Variants in UHRF1 observed in about 807,000 individuals in gnomAD.
UHRF1 encodes the protein E3 ubiquitin-protein ligase UHRF1.
UHRF1 carries 9 observed loss-of-function variants against 96.5 expected under a neutral mutation model. The ratio of observed to expected loss-of-function variants is 0.09; its 90% CI spans 0.06 to 0.16. UHRF1 has a LOEUF of 0.16. Among genes scored for constraint, UHRF1 ranks in the 10% least tolerant of loss-of-function variants. UHRF1 has a pLI of 1.00. For synonymous variants in UHRF1, 455 were observed against 469.9 expected (o/e 0.97, Z 0.41); for missense variants, 626 against 1,131.1 (o/e 0.55, Z 6.40).
upstream of UHRF1, among the ~76,000 whole-genome samples, chr19:4,906,208 G>C (rs1236597119): frequency 1.3e-5 from 2 of 152,002 alleles, no homozygotes; most frequent in East Asian, 3.9e-4. Context: ...CAAACTCCCG[G>C]GCGCAAGAGA....
rs1434479432 is a variant in UHRF1, at chr19:4,938,192, T to C, written c.786-3336T>C. 5.3e-5 allele frequency among the ~76,000 whole-genome samples: 8 copies of C among 152,022 alleles called. No individual in the cohort carries two copies. The East Asian group carries it at 1.5e-3, about 29-fold the overall frequency. ...AGGAAGGGAAGCTTTACTGAGGCCA[T>C]GGAGATCTGGAGATGTCTTCTGGAG... On this transcript the variant is annotated intron_variant, in intron 5 of 16. Transcript: ENST00000650932.
chr19:4,940,042 A>G (rs1475079441), intron 5 of UHRF1, among the ~76,000 whole-genome samples: 1 of 151,138 alleles, frequency 6.6e-6, no homozygotes, highest in Admixed American at 6.6e-5. Flanking sequence ...AAAAAAACAC[A>G]TGGGCTTTCA....
At chr19:4,943,101 G>A (rs564967569) in intron 7 of UHRF1, among the ~76,000 whole-genome samples, 51 of 152,112 alleles carry the variant, frequency 3.4e-4, no homozygotes, top group African/African-American at 9.2e-4. Flanking sequence ...TTAGCCAGGC[G>A]TGGTGCCACG....
chr19:4,934,223 T>A (rs1474551859), intron 5 of UHRF1, among the ~76,000 whole-genome samples: 1 of 151,820 alleles, frequency 6.6e-6, no homozygotes, highest in East Asian at 1.9e-4. Context: ...TAGTAGAGTC[T>A]GGGTTTCACC....
Position 4,930,713 on chromosome 19 carries a change from C to A in UHRF1, c.409-3C>A, listed in dbSNP as rs769457739. ...GATGCCAGACTTCCCTCATTCCTCA[C>A]AGGTCAATGAGTACGTCGATGCTCG... On this transcript the variant is annotated splice_polypyrimidine_tract_variant and splice_region_variant and intron_variant, in intron 3 of 16. Coordinates refer to ENST00000650932, the MANE Select transcript of UHRF1 (RefSeq NM_001048201.3). This position sits in a 1 kb window ranked among gnomAD's most constrained non-coding sequence, Gnocchi z 4.4. 4.3e-6 allele frequency: 7 copies of A among 1,613,316 alleles called. No homozygotes were observed. The highest frequency in any genetic ancestry group is 5.9e-6 in the Non-Finnish European group (7 of 1,179,688).
intron 13 of UHRF1, among the ~76,000 whole-genome samples, chr19:4,953,919 A>G (rs1007309634): frequency 6.6e-5 from 10 of 151,908 alleles, no homozygotes; most frequent in Non-Finnish European, 1.5e-4. Context: ...GGTGGCGGGC[A>G]CCTGTAATCC....
intron 2 of UHRF1, among the ~76,000 whole-genome samples, chr19:4,918,601 A>AT (rs145190646): frequency 0.13 from 20,224 of 151,510 alleles, 1,694 homozygotes; most frequent in Non-Finnish European, 0.19. Flanking sequence ...TTTAGTAGAG[A>AT]CGAGGTTTCT....
intron 5 of UHRF1, among the ~76,000 whole-genome samples, chr19:4,934,125 G>A (rs2033147342): frequency 6.6e-6 from 1 of 151,710 alleles, no homozygotes; most frequent in African/African-American, 2.4e-5. Context: ...CCAGGTTCAG[G>A]TGATTCTCCT....
chr19:4,924,730 C>A (rs1295066302), intron 2 of UHRF1, among the ~76,000 whole-genome samples: 1 of 152,126 alleles, frequency 6.6e-6, no homozygotes, highest in Non-Finnish European at 1.5e-5. Context: ...CAGAGCGGTG[C>A]ATCGGTTACA....
upstream of UHRF1, among the ~76,000 whole-genome samples, chr19:4,908,478 G>C (rs1483101405): frequency 6.6e-6 from 1 of 151,936 alleles, no homozygotes; most frequent in African/African-American, 2.4e-5. Context: ...CCTCCCCTTT[G>C]CTCAGTGGGC....
chr19:4,909,435 C>G (rs536207146), upstream of UHRF1: 4 of 652,708 alleles, frequency 6.1e-6, no homozygotes, highest in Non-Finnish European at 8.3e-6. Context: ...GGCAGGCGCC[C>G]GCCCCCGGCA....
chr19:4,957,301 T>TTTTTTTG (rs2033882211), intron 16 of UHRF1, among the ~76,000 whole-genome samples: 2 of 100,248 alleles, frequency 2.0e-5, no homozygotes, highest in African/African-American at 6.6e-5. Flanking sequence ...CTGATGGTTT[T>TTTTTTTG]TTTTTTTTTT....
chr19:4,905,483 T>C (rs2032048124), upstream of UHRF1, among the ~76,000 whole-genome samples: 2 of 151,002 alleles, frequency 1.3e-5, no homozygotes, highest in East Asian at 3.9e-4. Context: ...GCTCATCAGG[T>C]ATTGTTAGTG....
intron 10 of UHRF1, 123 bp downstream of exon 10, chr19:4,946,088 G>A (rs1052686093): frequency 2.9e-6 from 2 of 696,968 alleles, no homozygotes; most frequent in Non-Finnish European, 4.8e-6. Context: ...GTGGCGTGAA[G>A]TATATTCCCA....
intron 2 of UHRF1, among the ~76,000 whole-genome samples, chr19:4,923,539 CT>C (rs1051992481): frequency 1.4e-3 from 212 of 151,312 alleles, no homozygotes; most frequent in African/African-American, 4.6e-3. Flanking sequence ...CTGTGTGCCC[CT>C]CTCCCGCTGG....
chr19:4,925,304 C>T (rs1418949800), intron 2 of UHRF1, among the ~76,000 whole-genome samples: 1 of 152,118 alleles, frequency 6.6e-6, no homozygotes, highest in Non-Finnish European at 1.5e-5. Context: ...TTCTGCATCT[C>T]CTCCCGCAGC....
intron 2 of UHRF1, among the ~76,000 whole-genome samples, chr19:4,913,252 C>CTTTTTTTTTT (rs4022195): frequency 9.0e-6 from 1 of 111,202 alleles, no homozygotes; most frequent in Non-Finnish European, 1.7e-5. Context: ...GTACATTGTG[C>CTTTTTTTTTT]TTTTTTTTTT....
At chr19:4,938,479 TC>T (rs142796036) in intron 5 of UHRF1, among the ~76,000 whole-genome samples, 6,987 of 152,086 alleles carry the variant, frequency 0.046, 546 homozygotes, top group African/African-American at 0.16. Flanking sequence ...CTTAGACCTT[TC>T]CCTCCCTTCT....
At chr19:4,923,398 C>T (rs1568412156) in intron 2 of UHRF1, among the ~76,000 whole-genome samples, 2 of 151,890 alleles carry the variant, frequency 1.3e-5, no homozygotes, top group Admixed American at 1.3e-4. Flanking sequence ...CACCTCCGAC[C>T]TGTCCTCCGT....
Sources: gnomAD v4.1 joint callset for allele counts (sites outside exome capture counted in the v4.1 genomes callset) on GRCh38, gnomAD v4.1.1 for gene constraint, Gnocchi (gnomAD v3.1) non-coding constraint, MANE v1.5 for transcripts, NCBI Gene and HGNC (gene_info 2026-07-23, HGNC 2026-07-21) for gene names.